The following PHTF2 variants were observed in gnomAD, a reference collection of about 807,000 sequenced individuals.
PHTF2 encodes putative homeodomain transcription factor 2.
A neutral mutation model predicts 101.2 loss-of-function variants in PHTF2; 60 were observed. That is an observed-to-expected ratio of 0.59 (90% confidence interval 0.48 to 0.73). PHTF2 has a LOEUF of 0.73. PHTF2 is among the 30% of genes least tolerant of loss of function. The pLI, the probability that PHTF2 is intolerant of heterozygous loss-of-function variation, is 0.00. For missense variants in PHTF2, 747 were observed against 908.7 expected, an observed-to-expected ratio of 0.82 and a Z score of 2.29; for synonymous variants, 311 against 307.3, an observed-to-expected ratio of 1.01 and a Z score of -0.13.
intron 1 of PHTF2, among the ~76,000 whole-genome samples, chr7:77,834,548 C>T (rs1293947562): frequency 6.6e-6 from 1 of 152,140 alleles, no homozygotes; most frequent in African/African-American, 2.4e-5. Flanking sequence ...CCTATACTCA[C>T]GTGTCTGTGC....
chr7:77,826,412 A>G (rs1480252315), intron 1 of PHTF2, among the ~76,000 whole-genome samples: 2 of 152,142 alleles, frequency 1.3e-5, no homozygotes, highest in African/African-American at 2.4e-5. Flanking sequence ...CTTGGGTACA[A>G]AAAGTATGGA....
chr7:77,943,373 C>T (rs1166709190), intron 16 of PHTF2, among the ~76,000 whole-genome samples: 1 of 152,068 alleles, frequency 6.6e-6, no homozygotes, highest in Non-Finnish European at 1.5e-5. Flanking sequence ...GTGATCTGCC[C>T]GCCTCGGCCT....
In PHTF2 at chr7:77,803,649, A is replaced by G. The variant is rs146329994; in HGVS notation, c.-36+4678A>G. On this transcript the variant is annotated intron_variant, in intron 1 of 19. Coordinates refer to ENST00000416283, the Ensembl canonical transcript of PHTF2. ...ATTCTTGATTTCTAAGACTAGCTCA[A>G]AAAGTGGTTGTTGCAGTTATTTGAC... Among the ~76,000 whole-genome samples, 36 of 152,190 alleles carry G rather than the reference A, an allele frequency of 2.4e-4. No individual in the cohort carries two copies. The East Asian group carries it at 6.8e-3, about 29-fold the overall frequency.
intron 1 of PHTF2, among the ~76,000 whole-genome samples, chr7:77,807,594 A>G (rs1197544634): frequency 6.6e-6 from 1 of 152,158 alleles, no homozygotes; most frequent in Admixed American, 6.5e-5. Flanking sequence ...TATATTCTGA[A>G]TATCAACCCC....
intron 3 of PHTF2, among the ~76,000 whole-genome samples, chr7:77,864,946 A>G (rs1420185471): frequency 6.6e-6 from 1 of 152,162 alleles, no homozygotes; most frequent in Non-Finnish European, 1.5e-5. Flanking sequence ...GTTATTGTCC[A>G]TAATAATGTC....
At chr7:77,800,151 C>G (rs1208449932) in intron 1 of PHTF2, among the ~76,000 whole-genome samples, 1 of 152,156 alleles carries the variant, frequency 6.6e-6, no homozygotes, top group African/African-American at 2.4e-5. Flanking sequence ...AAACTGCACA[C>G]TTTAGCCTAA....
chr7:77,931,528 T>C lies in PHTF2; in HGVS notation c.1338+2201T>C, dbSNP rs192021655. Among the ~76,000 whole-genome samples the C allele has an allele frequency of 3.9e-5, 6 of 152,348 alleles. No individual in the cohort carries two copies. The East Asian group carries it at 1.2e-3, about 29-fold the overall frequency. ...AATGTAAATTAGAACAATTAGATAC[T>C]ACTTAATATTGATCAAATTGTCAAA... is the stretch of plus-strand genomic sequence containing the variant. On this transcript the variant is annotated intron_variant, in intron 12 of 19. Transcript: ENST00000416283.
At chr7:77,804,942 T>G (rs1378524754) in intron 1 of PHTF2, among the ~76,000 whole-genome samples, 1 of 152,234 alleles carries the variant, frequency 6.6e-6, no homozygotes, top group Non-Finnish European at 1.5e-5. Context: ...ATATCAAAAT[T>G]ATATCCTCAG....
At chr7:77,911,719 A>T (rs1802416400) in intron 9 of PHTF2, among the ~76,000 whole-genome samples, 3 of 152,216 alleles carry the variant, frequency 2.0e-5, no homozygotes, top group Admixed American at 6.5e-5. Flanking sequence ...AGATTTTAAT[A>T]GTTTACAGTA....
chr7:77,925,646 A>G (rs1199465720), intron 11 of PHTF2, among the ~76,000 whole-genome samples: 1 of 151,354 alleles, frequency 6.6e-6, no homozygotes, highest in Non-Finnish European at 1.5e-5. Flanking sequence ...TTGTATTTTA[A>G]TAGAGATGGG....
chr7:77,895,249 G>A (rs1291731082), intron 5 of PHTF2: 2 of 408,492 alleles, frequency 4.9e-6, no homozygotes, highest in Admixed American at 5.8e-5. Context: ...TATAGATATA[G>A]CTATAGGAAT....
intron 9 of PHTF2, among the ~76,000 whole-genome samples, chr7:77,919,438 TGATA>T (rs1803242837): frequency 6.6e-6 from 1 of 152,246 alleles, no homozygotes; most frequent in Non-Finnish European, 1.5e-5. Flanking sequence ...AAATGTTTTA[TGATA>T]GATAATCTGC....
At chr7:77,806,596 G>A (rs2150472999) in intron 1 of PHTF2, among the ~76,000 whole-genome samples, 1 of 152,132 alleles carries the variant, frequency 6.6e-6, no homozygotes, top group Non-Finnish European at 1.5e-5. Context: ...TTGCTTTTGG[G>A]TCTTGGGTCT....
At chr7:77,866,672 T>C (rs1247551651) in intron 3 of PHTF2, among the ~76,000 whole-genome samples, 1 of 152,062 alleles carries the variant, frequency 6.6e-6, no homozygotes, top group African/African-American at 2.4e-5. Flanking sequence ...GGTCTCTTAT[T>C]TGATTTCAAA....
chr7:77,885,081 A>T (rs753262218), intron 3 of PHTF2, among the ~76,000 whole-genome samples: 1 of 152,072 alleles, frequency 6.6e-6, no homozygotes, highest in Non-Finnish European at 1.5e-5. Flanking sequence ...TACTTTTTTT[A>T]AAATTTTTTT....
At chr7:77,889,838 A>T (rs1241992969) in intron 3 of PHTF2, among the ~76,000 whole-genome samples, 1 of 151,930 alleles carries the variant, frequency 6.6e-6, no homozygotes, top group African/African-American at 2.4e-5. Flanking sequence ...TGACTTCATG[A>T]TCCGCCTGCC....
At chr7:77,852,034 G>T (rs35978952) in intron 2 of PHTF2, among the ~76,000 whole-genome samples, 10,368 of 151,618 alleles carry the variant, frequency 0.068, 425 homozygotes, top group Middle Eastern at 0.088. Flanking sequence ...AGGTTTTTTT[G>T]TGTGTGTGTG....
At chr7:77,919,270 A>G (rs982209458) in intron 9 of PHTF2, among the ~76,000 whole-genome samples, 10 of 152,356 alleles carry the variant, frequency 6.6e-5, no homozygotes, top group Admixed American at 5.2e-4. Context: ...ACTTAGTGTT[A>G]AAACTAATGT....
chr7:77,951,948 T>C (rs1308373421), intron 18 of PHTF2, among the ~76,000 whole-genome samples: 1 of 152,120 alleles, frequency 6.6e-6, no homozygotes, highest in East Asian at 1.9e-4. Context: ...TCTGGAGTAT[T>C]GTAGAGGTTG....
Sources: gnomAD v4.1 joint callset for allele counts (sites outside exome capture counted in the v4.1 genomes callset) on GRCh38, gnomAD v4.1.1 for gene constraint, MANE v1.5 for transcripts, NCBI Gene and HGNC (gene_info 2026-07-23, HGNC 2026-07-21) for gene names.